The following CSTF2 variants were observed in gnomAD, a reference collection of about 807,000 sequenced individuals.
The protein encoded by CSTF2 is cleavage stimulation factor subunit 2.
In CSTF2, 8 loss-of-function variants were observed where a neutral mutation model predicts 45.4. The observed-to-expected ratio is 0.18, with a 90% CI of 0.10 to 0.32. The LOEUF is 0.32. Among genes scored for constraint, CSTF2 ranks in the 10% least tolerant of loss-of-function variants. The pLI, the probability that CSTF2 is intolerant of heterozygous loss-of-function variation, is 1.00. For missense variants in CSTF2, 253 were observed against 477.1 expected (o/e 0.53, Z 4.38); for synonymous variants, 155 against 158.9 (o/e 0.98, Z 0.18).
Position 100,820,477 on chromosome X carries a change from G to T in CSTF2, c.58+3G>T, listed in dbSNP as rs759614220. 8.3e-7 allele frequency: 1 copy of T among 1,209,125 alleles called. No homozygotes were observed. Among genetic ancestry groups the T allele is most frequent in the African/African-American group, 1.7e-5 (1 of 57,532 alleles). On this transcript the variant is annotated splice_donor_region_variant and intron_variant, in intron 1 of 13. Coordinates refer to ENST00000372972, the MANE Select transcript of CSTF2 (RefSeq NM_001325.3). ...TCGTTCTCTACGTTCTGTGTTCGGT[G>T]AGAGGAATTCGTTGTAGTCAAGCTT...
At chrX:100,832,141 C>CA (rs2084979346) in intron 9 of CSTF2, among the ~76,000 whole-genome samples, 1 of 111,506 alleles carries the variant, frequency 9.0e-6, no homozygotes, top group Non-Finnish European at 1.9e-5. Flanking sequence ...CGCTTGAACC[C>CA]AGGAGGTGGA....
chrX:100,826,291 C>CTTTTTTTTTT, intron 6 of CSTF2, among the ~76,000 whole-genome samples: 1 of 67,959 alleles, frequency 1.5e-5, no homozygotes, highest in Non-Finnish European at 2.8e-5. Flanking sequence ...GGGTTTAGGG[C>CTTTTTTTTTT]TTTTTTTTTT....
intron 3 of CSTF2, chrX:100,822,841 C>CAAAA (rs35086838): frequency 8.5e-5 from 5 of 58,956 alleles, no homozygotes; most frequent in South Asian, 9.2e-4. Flanking sequence ...GACTCTGTCT[C>CAAAA]AAAAAAAAAA....
At chrX:100,822,127 C>A in intron 2 of CSTF2, 124 bp from the exon 3 acceptor site, 3 of 476,098 alleles carry the variant, frequency 6.3e-6, no homozygotes, top group East Asian at 4.0e-5. Context: ...AAAAATATTT[C>A]TGTGAGGCTG....
intron 7 of CSTF2, among the ~76,000 whole-genome samples, chrX:100,827,683 A>T (rs1004248753): frequency 2.7e-5 from 3 of 112,105 alleles, no homozygotes; most frequent in Admixed American, 9.5e-5. Context: ...ATTGTTATGT[A>T]TCTACTTTAT....
chrX:100,828,847 G>A (rs762176631), intron 8 of CSTF2, among the ~76,000 whole-genome samples: 22 of 112,527 alleles, frequency 2.0e-4, no homozygotes, highest in Admixed American at 9.4e-5. Context: ...TTAGGTGGCA[G>A]CACCTCAGTT....
At chrX:100,837,851 T>C (rs980922383) in intron 12 of CSTF2, among the ~76,000 whole-genome samples, 25 of 111,495 alleles carry the variant, frequency 2.2e-4, no homozygotes, top group Admixed American at 5.7e-4. Context: ...TTATGTCTGA[T>C]GGAAAGGCTA....
intron 8 of CSTF2, among the ~76,000 whole-genome samples, chrX:100,828,747 A>G (rs2084958359): frequency 1.8e-5 from 2 of 112,263 alleles, no homozygotes; most frequent in African/African-American, 6.5e-5. Context: ...AGTTGGAAAC[A>G]ATGTTAGGAG....
At chrX:100,827,967 T>G in intron 7 of CSTF2, 73 bp from the exon 8 acceptor site, 3 of 894,833 alleles carry the variant, frequency 3.4e-6, no homozygotes, top group South Asian at 2.4e-5. Context: ...ATTTGTAAAC[T>G]CAGCCACTGT....
rs991680278 is a variant in CSTF2 at position 100,831,498 on chromosome X, G to A, written c.890-17G>A. On this transcript the variant is annotated splice_polypyrimidine_tract_variant and intron_variant, in intron 8 of 13. Coordinates refer to ENST00000372972, the MANE Select transcript of CSTF2 (RefSeq NM_001325.3). ...GTGTCTTTCACAGCAGTAACTCCCC[G>A]TTTGTTTCCCTGTCAGTGCCGATGC... 7 of 1,209,363 alleles carry A rather than the reference G, an allele frequency of 5.8e-6. No individual in the cohort carries two copies. The highest frequency in any genetic ancestry group is 7.8e-6 in the Non-Finnish European group (7 of 894,814).
At chrX:100,829,594 T>C (rs1016795416) in intron 8 of CSTF2, among the ~76,000 whole-genome samples, 4 of 112,000 alleles carry the variant, frequency 3.6e-5, no homozygotes, top group African/African-American at 1.3e-4. Context: ...GGTTGGTTGC[T>C]GAAGTGACAG....
At chrX:100,837,548 C>T (rs2085016461) in intron 12 of CSTF2, 99 bp downstream of exon 12, 2 of 493,850 alleles carry the variant, frequency 4.0e-6, no homozygotes, top group African/African-American at 4.9e-5. Flanking sequence ...CTTCAAAGTC[C>T]CTTTGGAGGT....
chrX:100,822,639 A>T, intron 3 of CSTF2: 1 of 406,546 alleles, frequency 2.5e-6, no homozygotes, highest in Non-Finnish European at 4.3e-6. Context: ...AAATTTCTAT[A>T]CCCTTGCTCT....
intron 1 of CSTF2, 46 bp downstream of exon 1, chrX:100,820,520 C>G (rs761914397): frequency 9.0e-7 from 1 of 1,115,833 alleles, no homozygotes. Flanking sequence ...GGACTCCCCT[C>G]TGCACCTTCT....
intron 9 of CSTF2, 21 bp from the exon 10 acceptor site, chrX:100,832,710 TACA>T: frequency 2.5e-6 from 3 of 1,178,254 alleles, no homozygotes; most frequent in African/African-American, 1.8e-5. Context: ...TATTTTAAAA[TACA>T]ACGTTTTTCT....
chrX:100,833,454 C>T lies in CSTF2; in HGVS notation c.1482C>T (p.Val494=), dbSNP rs556234758. The T allele has an allele frequency of 2.5e-6, 3 of 1,206,772 alleles. No homozygotes were observed. Among genetic ancestry groups the T allele is most frequent in the African/African-American group, 1.7e-5 (1 of 57,730 alleles). ...GPSPINMGAV[V]PQGSRQVPVM... ...GTCCAATTAACATGGGGGCGGTTGT[C>T]CCCCAGGGATCCAGACAGGTATGTG... The change falls in exon 11 of 14, where the codon GTC becomes GTT. Residue 494 remains valine, a synonymous_variant. Transcript: ENST00000372972.
chrX:100,837,521 A>G (rs2085016240), intron 12 of CSTF2, 72 bp downstream of exon 12: 7 of 687,523 alleles, frequency 1.0e-5, no homozygotes, highest in Non-Finnish European at 8.9e-6. Context: ...CACAGTTACC[A>G]TGTGACGATC....
chrX:100,824,074 G>T (rs1424116435), intron 5 of CSTF2, 46 bp from the exon 6 acceptor site: 1 of 1,207,330 alleles, frequency 8.3e-7, no homozygotes, highest in East Asian at 3.0e-5. Flanking sequence ...CTACCTGATT[G>T]CTTTGTTAAA....
In CSTF2 at chrX:100,841,490, C is replaced by G. The variant is rs1208240424; in HGVS notation, c.*780C>G. ...AAAAGCCACTGATTTTTCACATGCT[C>G]AAGATGAAATAAAAACAGAAATCAA... is the stretch of plus-strand genomic sequence containing the variant. On this transcript the variant is annotated 3_prime_UTR_variant, in exon 14 of 14. Transcript: ENST00000372972. 1.8e-5 allele frequency among the ~76,000 whole-genome samples: 2 copies of G among 111,962 alleles called. No individual in the cohort carries two copies. The highest frequency in any genetic ancestry group is 3.8e-5 in the Non-Finnish European group (2 of 53,215).
Sources: gnomAD v4.1 joint callset for allele counts (sites outside exome capture counted in the v4.1 genomes callset) on GRCh38, gnomAD v4.1.1 for gene constraint, MANE v1.5 for transcripts, NCBI Gene and HGNC (gene_info 2026-07-23, HGNC 2026-07-21) for gene names.